Variants in ARFGEF1 observed in about 807,000 individuals in gnomAD.
The protein encoded by ARFGEF1 is ARF guanine nucleotide exchange factor 1, also known as brefeldin A-inhibited guanine nucleotide-exchange protein 1.
In ARFGEF1, 42 loss-of-function variants were observed where a neutral mutation model predicts 231.0. That is an observed-to-expected ratio of 0.18 (90% CI 0.14 to 0.24). The LOEUF (loss-of-function observed/expected upper bound fraction) is 0.24, where lower values mean the gene tolerates loss of function less well. Ranked by LOEUF, ARFGEF1 falls within the 10% of genes least tolerant of loss-of-function variation. The pLI, the probability that ARFGEF1 is intolerant of heterozygous loss-of-function variation, is 1.00. For missense variants in ARFGEF1, 1,345 were observed against 2,192.0 expected (o/e 0.61, Z 7.72); for synonymous variants, 710 against 732.3 (o/e 0.97, Z 0.49).
chr8:67,319,853 C>G (rs530550455), intron 1 of ARFGEF1, among the ~76,000 whole-genome samples: 78 of 151,992 alleles, frequency 5.1e-4, no homozygotes, highest in Admixed American at 2.2e-3. Flanking sequence ...AGTAAAAAAA[C>G]AACGAAATTT....
chr8:67,275,896 A>C, intron 9 of ARFGEF1, 80 bp downstream of exon 9: 1 of 1,551,534 alleles, frequency 6.4e-7, no homozygotes. Context: ...AAAGAACAAA[A>C]GAAAATCCAA....
chr8:67,308,433 T>C (rs1013202890), intron 1 of ARFGEF1, among the ~76,000 whole-genome samples: 3 of 152,184 alleles, frequency 2.0e-5, no homozygotes, highest in Admixed American at 6.5e-5. Context: ...TTTTAATGTG[T>C]TGTGAAAATC....
At chr8:67,288,106 T>G in intron 6 of ARFGEF1, 41 bp from the exon 7 acceptor site, 1 of 1,355,756 alleles carries the variant, frequency 7.4e-7, no homozygotes, top group Non-Finnish European at 1.0e-6. Context: ...TATTTTAACT[T>G]TTTGGAAGCT....
chr8:67,195,274 CTG>C (rs1837678312), downstream of ARFGEF1: 1 of 769,426 alleles, frequency 1.3e-6, no homozygotes, highest in Admixed American at 1.8e-5. Context: ...GGATATGAGA[CTG>C]TGGGGAAATG....
intron 5 of ARFGEF1, among the ~76,000 whole-genome samples, chr8:67,293,494 TTAG>T (rs1806098690): frequency 6.6e-6 from 1 of 151,994 alleles, no homozygotes; most frequent in African/African-American, 2.4e-5. Context: ...CTGCAAAATA[TTAG>T]AAATAAATTA....
chr8:67,224,734 A>G (rs928563470), intron 29 of ARFGEF1, among the ~76,000 whole-genome samples, 169 bp downstream of exon 29: 10 of 152,314 alleles, frequency 6.6e-5, no homozygotes, highest in African/African-American at 2.4e-4. Context: ...GCTCTAGTTA[A>G]TATTTTTAAA....
intron 34 of ARFGEF1, among the ~76,000 whole-genome samples, chr8:67,210,452 CAG>C (rs1319667432): frequency 1.3e-5 from 2 of 151,984 alleles, no homozygotes; most frequent in South Asian, 2.1e-4. Context: ...GCCTGGGTGA[CAG>C]AGTGAGACTC....
intron 18 of ARFGEF1, among the ~76,000 whole-genome samples, chr8:67,252,243 G>A (rs576904701): frequency 8.7e-5 from 11 of 126,974 alleles, no homozygotes; most frequent in East Asian, 5.1e-4. Flanking sequence ...AGCCAAGATC[G>A]CACCATTGCA....
intron 5 of ARFGEF1, among the ~76,000 whole-genome samples, chr8:67,183,101 A>G (rs551991587): frequency 1.6e-4 from 24 of 152,328 alleles, no homozygotes; most frequent in African/African-American, 4.8e-4. Flanking sequence ...AGTTTTATCT[A>G]TAGGTTTAGC....
chr8:67,179,767 A>G (rs142503987), intron 5 of ARFGEF1: 26 of 781,078 alleles, frequency 3.3e-5, no homozygotes, highest in Non-Finnish European at 5.1e-5. Context: ...GCTTTTAGGG[A>G]GAACAGTGTG....
At chr8:67,175,146 T>G, downstream of ARFGEF1, 1 of 647,710 alleles carries the variant, frequency 1.5e-6, no homozygotes, top group South Asian at 1.9e-5. Flanking sequence ...GTGGCTATTT[T>G]ACTGTCCTTT....
intron 14 of ARFGEF1, among the ~76,000 whole-genome samples, chr8:67,264,901 G>A (rs1397844327): frequency 6.6e-6 from 1 of 152,176 alleles, no homozygotes; most frequent in Non-Finnish European, 1.5e-5. Context: ...TGTTTAGAAT[G>A]CAATCTTGAA....
At chr8:67,216,225 C>A (rs1838925771) in intron 33 of ARFGEF1, among the ~76,000 whole-genome samples, 1 of 152,068 alleles carries the variant, frequency 6.6e-6, no homozygotes, top group South Asian at 2.1e-4. Flanking sequence ...AACTTAATCC[C>A]CAATGCAACA....
intron 22 of ARFGEF1, among the ~76,000 whole-genome samples, chr8:67,233,895 T>C (rs1282912702): frequency 6.6e-6 from 1 of 152,108 alleles, no homozygotes; most frequent in Non-Finnish European, 1.5e-5. Context: ...TCTCCATTGT[T>C]CTCATCTGCC....
At chr8:67,218,459 G>A (rs1008379649) in intron 30 of ARFGEF1, among the ~76,000 whole-genome samples, 18 of 151,434 alleles carry the variant, frequency 1.2e-4, no homozygotes, top group East Asian at 3.9e-4. Context: ...ATGATTTTTC[G>A]AAGTGCATGA....
chr8:67,276,234 C>A, intron 8 of ARFGEF1, 125 bp from the exon 9 acceptor site: 5 of 1,014,560 alleles, frequency 4.9e-6, no homozygotes, highest in Non-Finnish European at 7.2e-6. Context: ...GGAAGGGGAA[C>A]CAGATGAGGG....
At chr8:67,270,730 A>C (rs1434025986) in intron 10 of ARFGEF1, among the ~76,000 whole-genome samples, 1 of 150,520 alleles carries the variant, frequency 6.6e-6, no homozygotes, top group African/African-American at 2.4e-5. Flanking sequence ...AAAAAAAAAA[A>C]AAAACCACAT....
At chr8:67,311,330 A>C (rs1807037092) in intron 1 of ARFGEF1, among the ~76,000 whole-genome samples, 1 of 105,490 alleles carries the variant, frequency 9.5e-6, no homozygotes, top group African/African-American at 3.8e-5. Flanking sequence ...CCCATCCAGG[A>C]GGTGAGGGGC....
intron 22 of ARFGEF1, among the ~76,000 whole-genome samples, chr8:67,235,772 C>T (rs1209626427): frequency 2.0e-5 from 3 of 152,046 alleles, no homozygotes; most frequent in African/African-American, 7.2e-5. Context: ...CACTGCACTC[C>T]AGCCTCAACA....
Sources: allele counts gnomAD v4.1 joint callset (sites outside exome capture counted in the v4.1 genomes callset), GRCh38; gene constraint gnomAD v4.1.1; transcripts MANE v1.5; gene names NCBI Gene and HGNC (gene_info 2026-07-23, HGNC 2026-07-21).